Variants in COPS4 observed in about 807,000 individuals in gnomAD.
COPS4 encodes COP9 signalosome complex subunit 4.
A neutral mutation model predicts 55.1 loss-of-function variants in COPS4; 8 were observed. That is an observed-to-expected ratio of 0.15 (90% CI 0.09 to 0.26). The LOEUF (loss-of-function observed/expected upper bound fraction) is 0.26, where lower values mean the gene tolerates loss of function less well. Among genes scored for constraint, COPS4 ranks in the 10% least tolerant of loss-of-function variants. The pLI is 1.00. For synonymous variants in COPS4, 185 were observed against 165.7 expected, an observed-to-expected ratio of 1.12 and a Z score of -0.90; for missense variants, 248 against 484.0, an observed-to-expected ratio of 0.51 and a Z score of 4.58.
chr4:83,049,898 G>A lies in COPS4; in HGVS notation c.324G>A (p.Gln108=). 1 of 1,605,530 alleles carries A rather than the reference G, an allele frequency of 6.2e-7. No homozygotes were observed. The highest frequency in any genetic ancestry group is 1.1e-5 in the South Asian group (1 of 89,074). Residue 108 remains glutamine (Q), a synonymous_variant, in exon 4 of 10, where the codon CAG becomes CAA. Transcript: ENST00000264389. ...TATTCCAGGTTGCTTCCATAAGACA[G>A]CATCTTGCATCTATATATGAGAAAG... is the stretch of plus-strand genomic sequence containing the variant. ...SFEEQVASIR[Q]HLASIYEKEE...
At chr4:83,048,320 T>C (rs968520529) in intron 2 of COPS4, among the ~76,000 whole-genome samples, 1 of 152,184 alleles carries the variant, frequency 6.6e-6, no homozygotes, top group South Asian at 2.1e-4. Flanking sequence ...CTCGTAAATG[T>C]TTATAAATAA....
At chr4:83,069,677 T>C (rs1347899181) in intron 9 of COPS4, among the ~76,000 whole-genome samples, 3 of 152,242 alleles carry the variant, frequency 2.0e-5, no homozygotes, top group Non-Finnish European at 4.4e-5. Context: ...GTATGAAATA[T>C]TTTAATTTCC....
At chr4:83,068,580 G>A (rs1731346444) in intron 9 of COPS4, 58 bp downstream of exon 9, 2 of 1,063,820 alleles carry the variant, frequency 1.9e-6, no homozygotes, top group Non-Finnish European at 2.9e-6. Flanking sequence ...TTATATTTGT[G>A]ATTAAAACAT....
At chr4:83,057,734 A>G (rs1731051474) in intron 6 of COPS4, among the ~76,000 whole-genome samples, 1 of 151,986 alleles carries the variant, frequency 6.6e-6, no homozygotes, top group Non-Finnish European at 1.5e-5. Flanking sequence ...CATCCTGGCT[A>G]ACAAGGTGAA....
intron 2 of COPS4, 58 bp downstream of exon 2, chr4:83,045,763 T>G: frequency 9.1e-7 from 1 of 1,095,140 alleles, no homozygotes; most frequent in Non-Finnish European, 1.4e-6. Flanking sequence ...ACTTTAAAGT[T>G]CTCTCAAGCC....
intron 2 of COPS4, 47 bp downstream of exon 2, chr4:83,045,752 G>A: frequency 7.9e-7 from 1 of 1,263,744 alleles, no homozygotes; most frequent in Non-Finnish European, 1.1e-6. Flanking sequence ...ACTGAGCTAG[G>A]ACTTTAAAGT....
At chr4:83,047,869 C>T (rs1024726777) in intron 2 of COPS4, among the ~76,000 whole-genome samples, 3 of 151,738 alleles carry the variant, frequency 2.0e-5, no homozygotes, top group Admixed American at 6.6e-5. Context: ...GGCGTGGTGG[C>T]GGGTGCCTGT....
At position 83,063,204 on chromosome 4, in the gene COPS4, G is replaced by T. The variant is rs1485775097; in HGVS notation, c.844G>T (p.Ala282Ser). Reference sequence around the variant, plus strand: ...CAGAGGAAATCAACTTCAAGAATTTGCTGCCATGCTGATGCCTCACCAAAA... The same window carrying T: ...CAGAGGAAATCAACTTCAAGAATTTTCTGCCATGCTGATGCCTCACCAAAA... Reference protein sequence around the residue: ...IIRGNQLQEFAAMLMPHQKAT... With the variant: ...IIRGNQLQEFSAMLMPHQKAT... The change falls in exon 7 of 10, where the codon GCT becomes TCT. Residue 282 changes from alanine (A) to serine (S), a missense_variant. Coordinates refer to ENST00000264389, the MANE Select transcript of COPS4 (RefSeq NM_016129.3). 1 of 1,613,352 alleles carries T rather than the reference G, an allele frequency of 6.2e-7. No homozygotes were observed. The highest frequency in any genetic ancestry group is 1.7e-5 in the Admixed American group (1 of 59,850).
intron 1 of COPS4, among the ~76,000 whole-genome samples, chr4:83,042,153 C>T (rs1730585596): frequency 6.6e-6 from 1 of 152,218 alleles, no homozygotes; most frequent in African/African-American, 2.4e-5. Flanking sequence ...GCGTGAGCCA[C>T]CGCACCTGAC....
chr4:83,060,999 A>G (rs1266120592), intron 6 of COPS4, among the ~76,000 whole-genome samples: 1 of 150,912 alleles, frequency 6.6e-6, no homozygotes, highest in East Asian at 2.0e-4. Flanking sequence ...GCGCCATTGC[A>G]CTCCAGCCTG....
At position 83,056,955 on chromosome 4, in the gene COPS4, C is replaced by G; in HGVS notation, c.440C>G (p.Thr147Ser). Reference protein sequence around the residue: ...KQYNVDYKLETYLKIARLYLE... With the variant: ...KQYNVDYKLESYLKIARLYLE... The stretch of plus-strand genomic sequence containing the variant: ...TACAATGTAGATTATAAACTGGAGA[C>G]TTACTTGAAGATTGCTAGGCTATAT... The change falls in exon 5 of 10, where the codon ACT becomes AGT. Residue 147 changes from threonine (T) to serine (S), a missense_variant. Thr to Ser is a moderately conservative substitution (Grantham distance 58, BLOSUM62 1). Transcript: ENST00000264389. The G allele has an allele frequency of 6.2e-7, 1 of 1,613,048 alleles. No individual in the cohort carries two copies. Among genetic ancestry groups the G allele is most frequent in the Non-Finnish European group, 8.5e-7 (1 of 1,179,130 alleles).
At chr4:83,046,822 A>G (rs191035600) in intron 2 of COPS4, among the ~76,000 whole-genome samples, 1 of 152,308 alleles carries the variant, frequency 6.6e-6, no homozygotes, top group East Asian at 1.9e-4. Flanking sequence ...GTATCCCTGT[A>G]TAATATATTG....
At chr4:83,055,436 C>G (rs1730990124) in intron 4 of COPS4, among the ~76,000 whole-genome samples, 1 of 126,218 alleles carries the variant, frequency 7.9e-6, no homozygotes, top group South Asian at 2.7e-4. Flanking sequence ...TATAACTATA[C>G]AGTATTCTAC....
intron 2 of COPS4, among the ~76,000 whole-genome samples, chr4:83,047,766 C>T (rs980643707): frequency 9.9e-5 from 15 of 152,020 alleles, no homozygotes; most frequent in African/African-American, 2.4e-4. Flanking sequence ...TTTGGGAGAC[C>T]GAGATGGGCG....
At chr4:83,062,965 C>A in intron 6 of COPS4, 111 bp from the exon 7 acceptor site, 1 of 858,374 alleles carries the variant, frequency 1.2e-6, no homozygotes, top group Non-Finnish European at 1.8e-6. Flanking sequence ...ATAATGAATA[C>A]TGGCTGTATA....
chr4:83,063,556 C>T (rs985072062), intron 7 of COPS4, among the ~76,000 whole-genome samples: 17 of 151,116 alleles, frequency 1.1e-4, no homozygotes, highest in Non-Finnish European at 2.4e-4. Context: ...TACAGGCGCC[C>T]GCCACCACGC....
chr4:83,056,774 G>A, intron 4 of COPS4, 152 bp from the exon 5 acceptor site: 1 of 567,652 alleles, frequency 1.8e-6, no homozygotes, highest in Non-Finnish European at 3.0e-6. Flanking sequence ...ACTCCAGCCT[G>A]GGCGACAGAG....
chr4:83,075,210 G>C, intron 9 of COPS4, 87 bp from the exon 10 acceptor site: 1 of 1,162,448 alleles, frequency 8.6e-7, no homozygotes, highest in Non-Finnish European at 1.2e-6. Context: ...CCAAGAATAG[G>C]CATGTAAAAA....
intron 1 of COPS4, among the ~76,000 whole-genome samples, chr4:83,037,449 T>C (rs774573124): frequency 2.6e-5 from 4 of 152,214 alleles, no homozygotes; most frequent in South Asian, 4.1e-4. Flanking sequence ...GAAGATTAAA[T>C]GAAATAATGT....
Sources: gnomAD v4.1 joint callset for allele counts (sites outside exome capture counted in the v4.1 genomes callset) on GRCh38, gnomAD v4.1.1 for gene constraint, MANE v1.5 for transcripts, NCBI Gene and HGNC (gene_info 2026-07-23, HGNC 2026-07-21) for gene names.